SFXN5: variants seen among roughly 807,000 people sequenced by gnomAD.
SFXN5 encodes the protein sideroflexin 5.
A neutral mutation model predicts 50.2 loss-of-function variants in SFXN5; 43 were observed. The observed-to-expected ratio is 0.86, with a 90% confidence interval of 0.67 to 1.11. The LOEUF (loss-of-function observed/expected upper bound fraction) is 1.11. Among genes scored for constraint, SFXN5 ranks in the 50% least tolerant of loss-of-function variants. The pLI is 0.00. For synonymous variants in SFXN5, 203 were observed against 185.8 expected (o/e 1.09, Z -0.75); for missense variants, 463 against 454.1 (o/e 1.02, Z -0.18).
intron 12 of SFXN5, among the ~76,000 whole-genome samples, chr2:72,962,328 T>C (rs1016203514): frequency 6.6e-5 from 10 of 152,330 alleles, no homozygotes; most frequent in African/African-American, 2.4e-4. Flanking sequence ...GGGGCCCTCC[T>C]AGGGGCAGAG....
chr2:73,045,000 G>C (rs1680139668), intron 2 of SFXN5, among the ~76,000 whole-genome samples: 1 of 152,202 alleles, frequency 6.6e-6, no homozygotes, highest in Non-Finnish European at 1.5e-5. Context: ...GGAAGAAAAA[G>C]AGGCACAAAA....
rs1192821870 is a variant in SFXN5, at chr2:73,038,612, GA to G, written c.249+2241del. Among the ~76,000 whole-genome samples the G allele has an allele frequency of 7.9e-5, 12 of 152,316 alleles. No individual in the cohort carries two copies. The East Asian group carries it at 2.3e-3, about 29-fold the overall frequency. On this transcript the variant is annotated intron_variant, in intron 3 of 13. Coordinates refer to ENST00000272433, the MANE Select transcript of SFXN5 (RefSeq NM_144579.3). ...CACTGCACTCCAGGCCTGGGTGACAGAGCAAGACCTTGCCTCTTAAAAAAAT... is the reference window on the plus strand; with the variant it reads ...CACTGCACTCCAGGCCTGGGTGACAGGCAAGACCTTGCCTCTTAAAAAAAT...
At chr2:72,991,908 C>G (rs1177929245) in intron 9 of SFXN5, among the ~76,000 whole-genome samples, 3 of 152,192 alleles carry the variant, frequency 2.0e-5, no homozygotes, top group Non-Finnish European at 2.9e-5. Context: ...TGCTGAGGGT[C>G]CCCCAGGATC....
chr2:72,966,729 A>G (rs935360783), intron 12 of SFXN5, among the ~76,000 whole-genome samples: 2 of 152,110 alleles, frequency 1.3e-5, no homozygotes, highest in African/African-American at 4.8e-5. Flanking sequence ...CCGCCTTTCC[A>G]CAAAAATTCT....
chr2:73,016,482 A>G (rs192309801), intron 6 of SFXN5, among the ~76,000 whole-genome samples: 92 of 152,304 alleles, frequency 6.0e-4, no homozygotes, highest in African/African-American at 1.8e-3. Flanking sequence ...AGGCGAGTGG[A>G]TCACTTGAGG....
intron 6 of SFXN5, among the ~76,000 whole-genome samples, chr2:73,002,245 A>C (rs1444812294): frequency 6.6e-6 from 1 of 152,384 alleles, no homozygotes; most frequent in African/African-American, 2.4e-5. Flanking sequence ...TGAATGAAGA[A>C]ATGAACAAAT....
chr2:72,998,732 T>C, intron 9 of SFXN5: 1 of 565,394 alleles, frequency 1.8e-6, no homozygotes, highest in South Asian at 2.3e-5. Flanking sequence ...CAACCTCACC[T>C]CCCCACCTGC....
In SFXN5 at chr2:73,058,356, CAG is replaced by C. The variant is rs146904796; in HGVS notation, c.171+170_171+171del. ...ATCAACTCAGATACAGACAGACACA[CAG>C]ATACATAAACAGACAGCTACAGGTA... On this transcript the variant is annotated intron_variant, in intron 2 of 13. Coordinates refer to ENST00000272433, the MANE Select transcript of SFXN5 (RefSeq NM_144579.3). The C allele has an allele frequency of 3.7e-3, 2,173 of 593,770 alleles. 4 individuals are homozygous for C. The highest frequency in any genetic ancestry group is 5.0e-3 in the Non-Finnish European group (1,651 of 329,928). 36.8% of individuals were successfully genotyped at this position (593,770 alleles called of 1,614,324 possible). A position where few individuals can be genotyped will look rare whatever the true frequency, so the allele number is the denominator to read the frequency against.
In SFXN5 at chr2:72,961,153, C is replaced by G. The variant is rs781091388; in HGVS notation, c.923G>C (p.Ser308Thr). 1.3e-6 allele frequency: 2 copies of G among 1,584,854 alleles called. No homozygotes were observed. Among genetic ancestry groups the G allele is most frequent in the South Asian group, 2.2e-5 (2 of 88,956 alleles). Reference sequence around the variant, plus strand: ...GACCTCTGACATTTGCGGGAAGAGGCTGATGGCCAGCGGCAGGGCCAGGCC... The same window carrying G: ...GACCTCTGACATTTGCGGGAAGAGGGTGATGGCCAGCGGCAGGGCCAGGCC... ...AFGLALPLAI[S>T]LFPQMSEIET... Residue 308 changes from serine to threonine, a missense_variant, in exon 13 of 14, where the codon AGC becomes ACC. Ser to Thr is a moderately conservative substitution (Grantham distance 58). Transcript: ENST00000272433. This position sits in a 1 kb window ranked among gnomAD's most constrained non-coding sequence, Gnocchi z 4.4.
chr2:73,041,608 T>C (rs1679656403), intron 2 of SFXN5: 1 of 418,052 alleles, frequency 2.4e-6, no homozygotes, highest in African/African-American at 2.1e-5. Context: ...GAAAATCACC[T>C]GAACCCAGGA....
intron 13 of SFXN5, among the ~76,000 whole-genome samples, chr2:72,946,492 C>T (rs1218422106): frequency 1.3e-5 from 2 of 152,220 alleles, no homozygotes; most frequent in African/African-American, 4.8e-5. Context: ...CTTCTCTGCA[C>T]ATGCCCTGGG....
intron 2 of SFXN5, among the ~76,000 whole-genome samples, chr2:73,048,000 T>C (rs1680736886): frequency 6.6e-6 from 1 of 152,156 alleles, no homozygotes; most frequent in East Asian, 1.9e-4. Flanking sequence ...TATTATGCAG[T>C]TAAACACATT....
Position 73,023,206 on chromosome 2 carries a change from A to G in SFXN5, c.258T>C (p.Ser86=), listed in dbSNP as rs746039059. 3 of 1,603,368 alleles carry G rather than the reference A, an allele frequency of 1.9e-6. No individual in the cohort carries two copies. Among genetic ancestry groups the G allele is most frequent in the South Asian group, 1.1e-5 (1 of 89,214 alleles). Residue 86 remains serine, a synonymous_variant, in exon 4 of 14, where the codon AGT becomes AGC. Coordinates refer to ENST00000272433, the MANE Select transcript of SFXN5 (RefSeq NM_144579.3). The part of the protein sequence containing the change: ...RPGVTNEQLW[S]AQKIKQAILH... Reference sequence around the variant, plus strand: ...GGATTACCTGCTTGATTTTCTGTGCACTCCAGAGCTGGAAGAGAGATAAAG... The same window carrying G: ...GGATTACCTGCTTGATTTTCTGTGCGCTCCAGAGCTGGAAGAGAGATAAAG...
chr2:72,945,118 G>A lies in SFXN5; in HGVS notation c.946-19C>T, dbSNP rs201060996. ...TTTCAATCTGTGGAGAGAGAACAGA[G>A]AGGAAAAGTGGGGGAGTGGGAAGGG... On this transcript the variant is annotated intron_variant, in intron 13 of 13. Coordinates refer to ENST00000272433, the MANE Select transcript of SFXN5 (RefSeq NM_144579.3). This position sits in a 1 kb window ranked among gnomAD's most constrained non-coding sequence, Gnocchi z 5.8. 5 of 1,611,190 alleles carry A rather than the reference G, an allele frequency of 3.1e-6. No homozygotes were observed. Among genetic ancestry groups the A allele is most frequent in the Non-Finnish European group, 3.4e-6 (4 of 1,177,778 alleles).
rs1671508638 is a variant in SFXN5 at position 72,942,268 on chromosome 2, C to T, written c.*2754G>A. 6.6e-6 allele frequency: 1 copy of T among 152,270 alleles called. No homozygotes were observed. The highest frequency in any genetic ancestry group is 1.5e-5 in the Non-Finnish European group (1 of 68,096). The allele number at this position is 152,270 out of a possible 1,614,324, so 9.4% of individuals were successfully genotyped here. A position where few individuals can be genotyped will look rare whatever the true frequency, so the allele number is the denominator to read the frequency against. On this transcript the variant is annotated 3_prime_UTR_variant, in exon 14 of 14. Coordinates refer to ENST00000272433, the MANE Select transcript of SFXN5 (RefSeq NM_144579.3). The stretch of plus-strand genomic sequence containing the variant: ...TTTTCCCAGGCCAGAGGCCAGAACA[C>T]CAAAGAAGTCGGCTCATAACCAGGT...
intron 10 of SFXN5, among the ~76,000 whole-genome samples, chr2:72,986,958 C>G (rs539087919): frequency 6.6e-6 from 1 of 152,328 alleles, no homozygotes; most frequent in East Asian, 1.9e-4. Flanking sequence ...TTGCAGGCTT[C>G]TTTTGTACCA....
Position 72,945,119 on chromosome 2 carries a change from A to G in SFXN5, c.946-20T>C, listed in dbSNP as rs369512316. On this transcript the variant is annotated intron_variant, in intron 13 of 13. Coordinates refer to ENST00000272433, the MANE Select transcript of SFXN5 (RefSeq NM_144579.3). This position sits in a 1 kb window ranked among gnomAD's most constrained non-coding sequence, Gnocchi z 5.8. ...TTCAATCTGTGGAGAGAGAACAGAG[A>G]GGAAAAGTGGGGGAGTGGGAAGGGG... The G allele has an allele frequency of 1.1e-5, 17 of 1,611,196 alleles. No individual in the cohort carries two copies. In the African/African-American group the frequency reaches 2.1e-4, roughly 20 times the overall value.
intron 1 of SFXN5, among the ~76,000 whole-genome samples, chr2:73,058,801 C>T (rs755927739): frequency 6.6e-6 from 1 of 152,156 alleles, no homozygotes; most frequent in Non-Finnish European, 1.5e-5. Flanking sequence ...AGAGAGACCA[C>T]TGAGATACTC....
chr2:72,998,046 C>T (rs1410887277), intron 9 of SFXN5: 1 of 152,360 alleles, frequency 6.6e-6, no homozygotes, highest in Non-Finnish European at 1.5e-5. Flanking sequence ...CAGGTGTGCC[C>T]CACTGTGCTC....
Sources: allele counts gnomAD v4.1 joint callset (sites outside exome capture counted in the v4.1 genomes callset), GRCh38; gene constraint gnomAD v4.1.1; non-coding constraint Gnocchi (gnomAD v3.1); transcripts MANE v1.5; gene names NCBI Gene and HGNC (gene_info 2026-07-23, HGNC 2026-07-21).